Variants in SPATA21 observed in about 807,000 individuals in gnomAD.
SPATA21 encodes the protein spermatogenesis associated 21, also known as spermatogenesis-associated protein 21.
In SPATA21, 47 loss-of-function variants were observed where a neutral mutation model predicts 54.8. The observed-to-expected ratio is 0.86, with a 90% CI of 0.68 to 1.09. The LOEUF is 1.09. SPATA21 is among the 50% of genes least tolerant of loss of function. The pLI is 0.00. For synonymous variants in SPATA21, 245 were observed against 235.3 expected, an observed-to-expected ratio of 1.04 and a Z score of -0.38; for missense variants, 599 against 596.4, an observed-to-expected ratio of 1.00 and a Z score of -0.05.
chr1:16,428,569 A>AT lies in SPATA21; in HGVS notation c.34+2768dup, dbSNP rs1174500501. On this transcript the variant is annotated intron_variant, in intron 3 of 12. Coordinates refer to ENST00000335496, the MANE Select transcript of SPATA21 (RefSeq NM_198546.1). The surrounding 1 kb of genome is among the most constrained non-coding windows in gnomAD (Gnocchi z 4.3). ...CATGCCCAACTAATTTTTTTTTTTT[A>AT]TTTTTTTTGTAGGCCAGGCTGGTCT... Among the ~76,000 whole-genome samples, 13 of 147,622 alleles carry AT rather than the reference A, an allele frequency of 8.8e-5. No homozygotes were observed. Among genetic ancestry groups the AT allele is most frequent in the Admixed American group, 8.8e-4 (13 of 14,816 alleles).
rs1266892702 is a variant in SPATA21 at position 16,409,601 on chromosome 1, C to CG, written c.586dup (p.Arg196ProfsTer36). 1 of 1,609,172 alleles carries CG rather than the reference C, an allele frequency of 6.2e-7. No individual in the cohort carries two copies. The highest frequency in any genetic ancestry group is 2.2e-5 in the East Asian group (1 of 44,814). On this transcript the variant is annotated frameshift_variant and splice_region_variant, in exon 6 of 13. Coordinates refer to ENST00000335496, the MANE Select transcript of SPATA21 (RefSeq NM_198546.1). LOFTEE classifies it high-confidence loss of function. The surrounding 1 kb of genome is among the most constrained non-coding windows in gnomAD (Gnocchi z 4.1). ...GCGGGTGAGCAGCGGGGGCTCCTAC[C>CG]GCGCCTTGGCGTAGCTCAGGGTTCT... is the stretch of plus-strand genomic sequence containing the variant.
At chr1:16,400,513 T>G in intron 11 of SPATA21, 5 of 1,319,558 alleles carry the variant, frequency 3.8e-6, no homozygotes, top group South Asian at 2.0e-5. Context: ...AGGGGAGGAG[T>G]CCAACGCAGG....
chr1:16,400,445 C>T, intron 11 of SPATA21: 2 of 1,169,198 alleles, frequency 1.7e-6, no homozygotes, highest in South Asian at 6.2e-5. Context: ...CTAATCTCTA[C>T]AGCTGTTCTT....
chr1:16,403,509 GAC>G (rs1481201790), intron 10 of SPATA21, among the ~76,000 whole-genome samples: 3 of 112,466 alleles, frequency 2.7e-5, no homozygotes, highest in Non-Finnish European at 5.4e-5. Context: ...TTTTTTTTGA[GAC>G]AGAGTCTCAC....
At chr1:16,408,631 G>A (rs1249146872) in intron 7 of SPATA21, 2 of 594,050 alleles carry the variant, frequency 3.4e-6, no homozygotes, top group Admixed American at 1.3e-4. Flanking sequence ...CCAGACTTTG[G>A]GAGGCTGAGG....
intron 7 of SPATA21, among the ~76,000 whole-genome samples, chr1:16,406,776 C>G (rs533158635): frequency 3.0e-4 from 45 of 152,188 alleles, no homozygotes; most frequent in African/African-American, 1.1e-3. Context: ...CAAATTTGGA[C>G]ACACACAGAG....
At chr1:16,402,091 G>C (rs1348763462) in intron 10 of SPATA21, among the ~76,000 whole-genome samples, 2 of 152,064 alleles carry the variant, frequency 1.3e-5, no homozygotes, top group Non-Finnish European at 2.9e-5. Flanking sequence ...TCTCACCTCA[G>C]GCCTGAGCCT....
rs1262848149 is a variant in SPATA21 at position 16,409,674 on chromosome 1, G to C, written c.514C>G (p.Leu172Val). Reference sequence around the variant, plus strand: ...TCCATCCTTCTCCAGCCCAGGTCCAGGGCAGGGCCCAGCAGGACAGGGCAA... The same window carrying C: ...TCCATCCTTCTCCAGCCCAGGTCCACGGCAGGGCCCAGCAGGACAGGGCAA... ...MPCPVLLGPA[L>V]DLGWRRMELL... Residue 172 changes from leucine (L) to valine (V), a missense_variant, in exon 6 of 13, where the codon CTG (leucine) becomes GTG (valine). Coordinates refer to ENST00000335496, the MANE Select transcript of SPATA21 (RefSeq NM_198546.1). This position sits in a 1 kb window ranked among gnomAD's most constrained non-coding sequence, Gnocchi z 4.1. 2 of 1,613,420 alleles carry C rather than the reference G, an allele frequency of 1.2e-6. No homozygotes were observed. Among genetic ancestry groups the C allele is most frequent in the South Asian group, 2.2e-5 (2 of 91,052 alleles).
Position 16,431,265 on chromosome 1 carries a change from G to C in SPATA21, c.34+73C>G, listed in dbSNP as rs766671585. The C allele has an allele frequency of 1.9e-5, 31 of 1,613,592 alleles. No homozygotes were observed. In the Middle Eastern group the frequency reaches 4.9e-4, roughly 26 times the overall value. On this transcript the variant is annotated intron_variant, in intron 3 of 12. Transcript: ENST00000335496. ...TACCTTGCTGACTCCTGGTATGATG[G>C]GCTCAACACCAGCCCTCTTTATGGT... is the stretch of plus-strand genomic sequence containing the variant.
At chr1:16,431,492 G>A in intron 2 of SPATA21, 70 bp from the exon 3 acceptor site, 1 of 1,455,938 alleles carries the variant, frequency 6.9e-7, no homozygotes. Flanking sequence ...AGCCCACTTG[G>A]AGCCTATAAT....
At chr1:16,415,248 G>A (rs991879422) in intron 5 of SPATA21, among the ~76,000 whole-genome samples, 4 of 152,192 alleles carry the variant, frequency 2.6e-5, no homozygotes, top group African/African-American at 9.7e-5. Context: ...TAAGGTGGGA[G>A]GATCACTTGA....
At chr1:16,418,266 C>CT (rs1182557862) in intron 5 of SPATA21, among the ~76,000 whole-genome samples, 3 of 152,018 alleles carry the variant, frequency 2.0e-5, no homozygotes, top group Non-Finnish European at 4.4e-5. Context: ...TTCTCTCTCT[C>CT]TTTTTTTTAT....
At chr1:16,436,808 C>CA (rs1360572307) in intron 1 of SPATA21, among the ~76,000 whole-genome samples, 1 of 150,834 alleles carries the variant, frequency 6.6e-6, no homozygotes, top group African/African-American at 2.4e-5. Context: ...CACCAAAAAA[C>CA]AAAAACCTTA....
rs887360836 is a variant in SPATA21, at chr1:16,398,796, C to G, written c.1379G>C (p.Trp460Ser). 1 of 1,613,670 alleles carries G rather than the reference C, an allele frequency of 6.2e-7. No individual in the cohort carries two copies. Among genetic ancestry groups the G allele is most frequent in the African/African-American group, 1.3e-5 (1 of 75,008 alleles). The part of the protein sequence containing the change: ...NREHNSDSRK[W>S]LSSVPARTH ...GGTTCGAGCTGGCACAGAGCTGAGC[C>G]ACTTTCTGCTGTCAGAGTTGTGTTC... Residue 460 changes from tryptophan to serine, a missense_variant, in exon 13 of 13, where the codon TGG (tryptophan) becomes TCG (serine). Transcript: ENST00000335496.
chr1:16,404,270 G>GACCT (rs2085556828), intron 8 of SPATA21, among the ~76,000 whole-genome samples: 1 of 152,142 alleles, frequency 6.6e-6, no homozygotes, highest in Admixed American at 6.5e-5. Flanking sequence ...AGGAGTTCGA[G>GACCT]ACCTACATGG....
chr1:16,422,683 T>G (rs1342186557), intron 3 of SPATA21, among the ~76,000 whole-genome samples: 1 of 152,010 alleles, frequency 6.6e-6, no homozygotes, highest in Non-Finnish European at 1.5e-5. Context: ...TATTTTTTAA[T>G]TTTTGGTAGA....
chr1:16,432,295 T>C (rs1180212616), intron 2 of SPATA21, among the ~76,000 whole-genome samples: 3 of 151,934 alleles, frequency 2.0e-5, no homozygotes, highest in African/African-American at 7.3e-5. Context: ...CTAATTTTTG[T>C]ATTTTTAGTA....
intron 10 of SPATA21, among the ~76,000 whole-genome samples, chr1:16,402,249 CTTTTTTTTTTTTTTTTTT>C (rs869032281): frequency 3.6e-5 from 2 of 55,946 alleles, no homozygotes; most frequent in African/African-American, 1.6e-4. Context: ...AGCTGCCATT[CTTTTTTTTTTTTTTTTTT>C]TTTTTTTTTT....
At position 16,403,946 on chromosome 1, in the gene SPATA21, C is replaced by T. The variant is rs151007129; in HGVS notation, c.883+22G>A. On this transcript the variant is annotated intron_variant, in intron 9 of 12. Coordinates refer to ENST00000335496, the MANE Select transcript of SPATA21 (RefSeq NM_198546.1). ...CCAGCCCCTCCTCCAGTTCTGACTA[C>T]GCTGGGCTCATCCCTGCTCACCCAC... is the stretch of plus-strand genomic sequence containing the variant. 4.8e-4 allele frequency: 775 copies of T among 1,606,500 alleles called. 18 individuals are homozygous for T. In the East Asian group the frequency reaches 0.016, roughly 32 times the overall value.
Sources: gnomAD v4.1 joint callset for allele counts (sites outside exome capture counted in the v4.1 genomes callset) on GRCh38, gnomAD v4.1.1 for gene constraint, Gnocchi (gnomAD v3.1) non-coding constraint, MANE v1.5 for transcripts, NCBI Gene and HGNC (gene_info 2026-07-23, HGNC 2026-07-21) for gene names.